Variants in CSMD3 observed in about 807,000 individuals in gnomAD.
CSMD3 encodes CUB and Sushi multiple domains 3.
Under a neutral mutation model 435.2 loss-of-function variants are expected in CSMD3, and 177 were observed. That is an observed-to-expected ratio of 0.41 (90% CI 0.36 to 0.46). The LOEUF is 0.46. Among genes scored for constraint, CSMD3 ranks in the 20% least tolerant of loss-of-function variants. CSMD3 has a pLI of 0.34. For missense variants in CSMD3, 4,265 were observed against 4,504.6 expected, an observed-to-expected ratio of 0.95 and a Z score of 1.52; for synonymous variants, 1,656 against 1,520.5, an observed-to-expected ratio of 1.09 and a Z score of -2.07.
At chr8:112,576,460 A>C (rs1217499410) in intron 23 of CSMD3, among the ~76,000 whole-genome samples, 11 of 152,098 alleles carry the variant, frequency 7.2e-5, no homozygotes, top group Admixed American at 5.3e-4. Context: ...AAGATCAAAA[A>C]CAAATTAACA....
At chr8:113,419,213 G>A (rs749996831) in intron 1 of CSMD3, among the ~76,000 whole-genome samples, 41 of 151,188 alleles carry the variant, frequency 2.7e-4, no homozygotes, top group South Asian at 4.2e-4. Context: ...CCGCCTCCTG[G>A]ATTCAATTGA....
At chr8:113,277,972 T>C (rs1430285100) in intron 3 of CSMD3, among the ~76,000 whole-genome samples, 1 of 151,964 alleles carries the variant, frequency 6.6e-6, no homozygotes, top group Non-Finnish European at 1.5e-5. Flanking sequence ...TTCCTAGTGA[T>C]ATGTATGAGT....
intron 10 of CSMD3, among the ~76,000 whole-genome samples, chr8:112,913,980 G>A (rs573195693): frequency 1.8e-4 from 28 of 151,934 alleles, no homozygotes; most frequent in African/African-American, 6.3e-4. Context: ...CACTGGAGTA[G>A]CCCATTGATC....
intron 5 of CSMD3, among the ~76,000 whole-genome samples, chr8:113,073,818 A>G (rs1391442366): frequency 1.3e-5 from 2 of 151,714 alleles, no homozygotes; most frequent in East Asian, 1.9e-4. Context: ...ATGTTGCCTA[A>G]TTTTAGTCCC....
chr8:112,699,131 C>T (rs1157121591), intron 13 of CSMD3, among the ~76,000 whole-genome samples: 1 of 152,104 alleles, frequency 6.6e-6, no homozygotes, highest in African/African-American at 2.4e-5. Context: ...GCGTCCCCTT[C>T]CATGCTGTGG....
intron 3 of CSMD3, among the ~76,000 whole-genome samples, chr8:113,174,147 T>G (rs1236955503): frequency 6.6e-6 from 1 of 152,140 alleles, no homozygotes; most frequent in Admixed American, 6.6e-5. Context: ...TTTTAGATAT[T>G]ATATTACTTA....
At chr8:112,877,778 T>C (rs777325512) in intron 10 of CSMD3, among the ~76,000 whole-genome samples, 2 of 152,060 alleles carry the variant, frequency 1.3e-5, no homozygotes, top group Non-Finnish European at 2.9e-5. Context: ...TCTACAACCA[T>C]CTGATCTCTG....
At chr8:112,384,888 G>C (rs1235223298) in intron 36 of CSMD3, among the ~76,000 whole-genome samples, 1 of 152,148 alleles carries the variant, frequency 6.6e-6, no homozygotes, top group Non-Finnish European at 1.5e-5. Context: ...CAATTCAGAG[G>C]AAGAAAATAC....
At chr8:113,360,256 C>A (rs1175162778) in intron 1 of CSMD3, among the ~76,000 whole-genome samples, 2 of 151,998 alleles carry the variant, frequency 1.3e-5, no homozygotes, top group African/African-American at 2.4e-5. Context: ...TCAGACAGAC[C>A]AGGTTTTATA....
intron 1 of CSMD3, among the ~76,000 whole-genome samples, chr8:113,413,354 T>C (rs764264402): frequency 2.0e-5 from 3 of 152,168 alleles, no homozygotes; most frequent in Non-Finnish European, 4.4e-5. Flanking sequence ...GAAAAGTCAC[T>C]GGATCTAGTG....
chr8:112,926,469 TG>T (rs758668819), intron 9 of CSMD3, among the ~76,000 whole-genome samples: 89 of 152,258 alleles, frequency 5.8e-4, no homozygotes, highest in African/African-American at 1.9e-3. Flanking sequence ...ATTTTTAATT[TG>T]AAAGTACCAA....
At chr8:113,143,143 G>C (rs749426637) in intron 4 of CSMD3, among the ~76,000 whole-genome samples, 34 of 150,804 alleles carry the variant, frequency 2.3e-4, no homozygotes, top group Non-Finnish European at 1.6e-4. Context: ...AATCCAATTT[G>C]AAAATGGCAA....
rs1056891329 is a variant in CSMD3, at chr8:112,295,938, C to T, written c.8509G>A (p.Asp2837Asn). The stretch of plus-strand genomic sequence containing the variant: ...GGATTACATTGATATACAACTGTGT[C>T]TCTATATCCATAATTTTCTCCAATG... Reference protein sequence around the residue: ...QVIGENYGYRDTVVYQCNPGF... With the variant: ...QVIGENYGYRNTVVYQCNPGF... Residue 2837 changes from aspartate (D) to asparagine (N), a missense_variant, in exon 54 of 71, where the codon GAC (aspartate) becomes AAC (asparagine). By Grantham distance (23) the Asp-to-Asn change is conservative. This residue lies in a region of CSMD3 where 3,255 missense variants were observed against 3,380.2 expected (regional missense o/e 0.96). Coordinates refer to ENST00000297405, the MANE Select transcript of CSMD3 (RefSeq NM_198123.2). 1 of 1,612,636 alleles carries T rather than the reference C, an allele frequency of 6.2e-7. No individual in the cohort carries two copies. Among genetic ancestry groups the T allele is most frequent in the East Asian group, 2.2e-5 (1 of 44,810 alleles).
intron 9 of CSMD3, among the ~76,000 whole-genome samples, chr8:112,944,209 G>A (rs935204423): frequency 4.6e-5 from 7 of 151,252 alleles, no homozygotes; most frequent in Admixed American, 4.0e-4. Context: ...TCCTAGATGC[G>A]GCGTTACTAA....
intron 59 of CSMD3, among the ~76,000 whole-genome samples, chr8:112,268,924 C>A (rs1817211191): frequency 6.6e-6 from 1 of 152,198 alleles, no homozygotes; most frequent in Admixed American, 6.5e-5. Flanking sequence ...ACCCTATTGA[C>A]ATTTTCAGTC....
At chr8:112,560,022 T>C (rs544376509) in intron 24 of CSMD3, among the ~76,000 whole-genome samples, 4 of 151,958 alleles carry the variant, frequency 2.6e-5, no homozygotes, top group African/African-American at 9.6e-5. Flanking sequence ...GCATAGATTC[T>C]TGACCAAATT....
At chr8:113,423,869 T>G (rs1380701929) in intron 1 of CSMD3, among the ~76,000 whole-genome samples, 1 of 151,852 alleles carries the variant, frequency 6.6e-6, no homozygotes, top group Non-Finnish European at 1.5e-5. Context: ...CTAATTTCAT[T>G]GAAATTATCA....
chr8:113,182,928 C>G (rs1399892675), intron 3 of CSMD3, among the ~76,000 whole-genome samples: 1 of 151,982 alleles, frequency 6.6e-6, no homozygotes, highest in Non-Finnish European at 1.5e-5. Flanking sequence ...CACTATAGTT[C>G]CTCATGGAAC....
intron 21 of CSMD3, 137 bp downstream of exon 21, chr8:112,638,559 T>G (rs2074729130): frequency 1.5e-6 from 1 of 652,886 alleles, no homozygotes. Flanking sequence ...TGACACATAC[T>G]ACTTTGCTTT....
Sources: allele counts gnomAD v4.1 joint callset (sites outside exome capture counted in the v4.1 genomes callset), GRCh38; gene constraint gnomAD v4.1.1; regional missense constraint gnomAD v4.1.1; transcripts MANE v1.5; gene names NCBI Gene and HGNC (gene_info 2026-07-23, HGNC 2026-07-21).